Variants in NRG3 observed in about 807,000 individuals in gnomAD.
NRG3 encodes neuregulin 3, also known as pro-neuregulin-3, membrane-bound isoform.
NRG3 carries 31 observed loss-of-function variants against 66.9 expected under a neutral mutation model. That is an observed-to-expected ratio of 0.46 (90% CI 0.35 to 0.63). The LOEUF is 0.63. Ranked by LOEUF, NRG3 falls within the 20% of genes least tolerant of loss-of-function variation. The pLI is 0.00. For missense variants in NRG3, 910 were observed against 878.9 expected, an observed-to-expected ratio of 1.04 and a Z score of -0.45; for synonymous variants, 393 against 359.4, an observed-to-expected ratio of 1.09 and a Z score of -1.06.
At chr10:82,153,070 A>C (rs1428172985) in intron 1 of NRG3, among the ~76,000 whole-genome samples, 1 of 152,056 alleles carries the variant, frequency 6.6e-6, no homozygotes, top group Non-Finnish European at 1.5e-5. Context: ...GGGGATGAGA[A>C]CTTTTAAAAT....
intron 2 of NRG3, among the ~76,000 whole-genome samples, chr10:82,492,137 C>A (rs1255931576): frequency 6.6e-6 from 1 of 152,164 alleles, no homozygotes; most frequent in East Asian, 1.9e-4. Context: ...CCATATCAAA[C>A]TCTATTTGTC....
chr10:82,607,903 G>A (rs961207571), intron 2 of NRG3, among the ~76,000 whole-genome samples: 2 of 152,008 alleles, frequency 1.3e-5, no homozygotes, highest in Non-Finnish European at 2.9e-5. Context: ...ATAACATTAT[G>A]TTCATTCATT....
intron 3 of NRG3, among the ~76,000 whole-genome samples, chr10:82,793,898 G>A (rs2060689418): frequency 6.6e-6 from 1 of 152,128 alleles, no homozygotes; most frequent in Admixed American, 6.6e-5. Flanking sequence ...TGCCCCACTA[G>A]AGGGTTAATA....
intron 3 of NRG3, among the ~76,000 whole-genome samples, chr10:82,795,853 A>C (rs2060779236): frequency 6.6e-6 from 1 of 152,128 alleles, no homozygotes; most frequent in Non-Finnish European, 1.5e-5. Context: ...GGCATTTAGC[A>C]TGAGTGACTC....
intron 2 of NRG3, among the ~76,000 whole-genome samples, chr10:82,391,288 T>C (rs898704922): frequency 2.0e-5 from 3 of 152,102 alleles, no homozygotes; most frequent in Non-Finnish European, 4.4e-5. Flanking sequence ...ATATGCTACT[T>C]TTCATACCAC....
At position 82,299,787 on chromosome 10, in the gene NRG3, A is replaced by C. The variant is rs137999110; in HGVS notation, c.824-58952A>C. Among the ~76,000 whole-genome samples, 1,204 of 152,254 alleles carry C rather than the reference A, an allele frequency of 7.9e-3. 6 individuals are homozygous for C. Among genetic ancestry groups the C allele is most frequent in the Non-Finnish European group, 0.014 (919 of 68,000 alleles). On this transcript the variant is annotated intron_variant, in intron 1 of 8. Coordinates refer to ENST00000372141, the MANE Select transcript of NRG3 (RefSeq NM_001010848.4). ...TGGGCAAAAATTATCAAAACCACCAACGAGAAGCACTCAATGAGAGACAAG... is the reference window on the plus strand; with the variant it reads ...TGGGCAAAAATTATCAAAACCACCACCGAGAAGCACTCAATGAGAGACAAG...
At chr10:82,430,362 A>G (rs2089722975) in intron 2 of NRG3, among the ~76,000 whole-genome samples, 1 of 151,742 alleles carries the variant, frequency 6.6e-6, no homozygotes, top group Non-Finnish European at 1.5e-5. Context: ...GGTTCACGCC[A>G]TTCTCCTGCC....
At chr10:82,525,619 T>C (rs1178744671) in intron 2 of NRG3, among the ~76,000 whole-genome samples, 1 of 151,830 alleles carries the variant, frequency 6.6e-6, no homozygotes, top group African/African-American at 2.4e-5. Context: ...AGATTTTTTT[T>C]CTAGGGTGAG....
intron 1 of NRG3, among the ~76,000 whole-genome samples, chr10:82,206,718 A>G (rs1187008208): frequency 6.6e-6 from 1 of 152,182 alleles, no homozygotes; most frequent in African/African-American, 2.4e-5. Flanking sequence ...GGACCTTTAC[A>G]CCAAGCTACA....
intron 1 of NRG3, among the ~76,000 whole-genome samples, chr10:81,920,609 AAATC>A (rs1385038825): frequency 6.6e-6 from 1 of 152,250 alleles, no homozygotes; most frequent in Non-Finnish European, 1.5e-5. Flanking sequence ...GGTTTAAACA[AAATC>A]AAATTCAAAT....
intron 1 of NRG3, among the ~76,000 whole-genome samples, chr10:82,139,276 G>A (rs187797774): frequency 6.6e-6 from 1 of 152,154 alleles, no homozygotes; most frequent in Non-Finnish European, 1.5e-5. Flanking sequence ...GTGCCTTTTT[G>A]TTTCTGGTTA....
At chr10:82,141,549 T>C (rs180880914) in intron 1 of NRG3, among the ~76,000 whole-genome samples, 1 of 152,280 alleles carries the variant, frequency 6.6e-6, no homozygotes, top group South Asian at 2.1e-4. Flanking sequence ...ACTTTTTGAT[T>C]CAGTGATGGT....
chr10:82,473,380 TA>T (rs1841455799), intron 2 of NRG3, among the ~76,000 whole-genome samples: 1 of 152,158 alleles, frequency 6.6e-6, no homozygotes. Flanking sequence ...GTAAATGTAT[TA>T]GGGGTGACAA....
intron 2 of NRG3, among the ~76,000 whole-genome samples, chr10:82,394,086 G>T (rs1040591969): frequency 6.6e-6 from 1 of 152,086 alleles, no homozygotes; most frequent in Non-Finnish European, 1.5e-5. Flanking sequence ...TCTGAGCCCA[G>T]GTCCCCCTCC....
At chr10:82,003,262 C>T (rs1161251098) in intron 1 of NRG3, among the ~76,000 whole-genome samples, 2 of 152,060 alleles carry the variant, frequency 1.3e-5, no homozygotes, top group Admixed American at 1.3e-4. Context: ...GTTTGAGGCT[C>T]ATTTAAGATA....
chr10:82,433,676 G>A (rs1341113940), intron 2 of NRG3, among the ~76,000 whole-genome samples: 7 of 152,186 alleles, frequency 4.6e-5, no homozygotes, highest in Non-Finnish European at 1.0e-4. Context: ...TGGCTAGCAA[G>A]TTTTCCCAGC....
intron 1 of NRG3, among the ~76,000 whole-genome samples, chr10:82,000,733 G>A (rs1025604799): frequency 6.6e-6 from 1 of 152,116 alleles, no homozygotes; most frequent in Non-Finnish European, 1.5e-5. Flanking sequence ...CCTTACGACT[G>A]TAGCAAATAC....
chr10:82,398,955 G>C lies in NRG3; in HGVS notation c.953+40087G>C, dbSNP rs145235363. Among the ~76,000 whole-genome samples the C allele has an allele frequency of 1.5e-3, 233 of 152,230 alleles. 2 individuals carry two copies. Among genetic ancestry groups the C allele is most frequent in the African/African-American group, 5.4e-3 (223 of 41,536 alleles). ...AAGCAGGATACACCAATTGCTTAGA[G>C]TATTTCCAAAGGATTTAATGCAAGA... On this transcript the variant is annotated intron_variant, in intron 2 of 8. Coordinates refer to ENST00000372141, the MANE Select transcript of NRG3 (RefSeq NM_001010848.4).
chr10:81,901,554 T>C (rs1042629035), intron 1 of NRG3, among the ~76,000 whole-genome samples: 1 of 152,032 alleles, frequency 6.6e-6, no homozygotes, highest in Non-Finnish European at 1.5e-5. Context: ...CTATAGTCCC[T>C]ATTACTTAGG....
Sources: gnomAD v4.1 joint callset for allele counts (sites outside exome capture counted in the v4.1 genomes callset) on GRCh38, gnomAD v4.1.1 for gene constraint, MANE v1.5 for transcripts, NCBI Gene and HGNC (gene_info 2026-07-23, HGNC 2026-07-21) for gene names.